Variants in PCDH9 observed in about 807,000 individuals in gnomAD.
The protein encoded by PCDH9 is protocadherin-9.
Under a neutral mutation model 70.6 loss-of-function variants are expected in PCDH9, and 24 were observed. The observed-to-expected ratio is 0.34, with a 90% confidence interval of 0.25 to 0.48. PCDH9 has a LOEUF of 0.48. Among genes scored for constraint, PCDH9 ranks in the 20% least tolerant of loss-of-function variants. PCDH9 has a pLI of 0.99. For synonymous variants in PCDH9, 562 were observed against 558.5 expected, an observed-to-expected ratio of 1.01 and a Z score of -0.09; for missense variants, 1,281 against 1,503.6, an observed-to-expected ratio of 0.85 and a Z score of 2.45.
chr13:66,529,909 A>G (rs948081193), intron 4 of PCDH9, among the ~76,000 whole-genome samples: 3 of 151,004 alleles, frequency 2.0e-5, no homozygotes, highest in Non-Finnish European at 4.4e-5. Flanking sequence ...TCTGTTGCAG[A>G]AAAAAAAATA....
intron 3 of PCDH9, among the ~76,000 whole-genome samples, chr13:66,705,477 A>C (rs1221361839): frequency 1.3e-5 from 2 of 152,226 alleles, no homozygotes; most frequent in Non-Finnish European, 2.9e-5. Context: ...CAAATCGTCC[A>C]ATCCCCCATC....
intron 2 of PCDH9, among the ~76,000 whole-genome samples, chr13:67,047,088 G>A (rs2085236331): frequency 6.6e-6 from 1 of 152,102 alleles, no homozygotes; most frequent in Admixed American, 6.6e-5. Context: ...GTGCTAATGG[G>A]GAAAGAGGGA....
intron 4 of PCDH9, among the ~76,000 whole-genome samples, chr13:66,572,763 T>C (rs2076750642): frequency 6.6e-6 from 1 of 152,082 alleles, no homozygotes; most frequent in Non-Finnish European, 1.5e-5. Flanking sequence ...ATTTCTTTTT[T>C]CTTTCTTTTT....
intron 2 of PCDH9, among the ~76,000 whole-genome samples, chr13:67,083,570 T>C (rs188145961): frequency 9.4e-4 from 143 of 152,308 alleles, no homozygotes; most frequent in African/African-American, 3.3e-3. Context: ...AGTATTTCCT[T>C]TTATTTTTAA....
At chr13:66,636,388 T>G (rs536388424) in intron 3 of PCDH9, among the ~76,000 whole-genome samples, 1 of 152,230 alleles carries the variant, frequency 6.6e-6, no homozygotes, top group Non-Finnish European at 1.5e-5. Flanking sequence ...TAACTTCCAT[T>G]CTTCACTTTC....
At chr13:66,845,094 A>C (rs113199076) in intron 3 of PCDH9, among the ~76,000 whole-genome samples, 2,600 of 152,234 alleles carry the variant, frequency 0.017, 75 homozygotes, top group African/African-American at 0.06. Context: ...TCCAGTCTGC[A>C]GCCAGGCCCC....
chr13:66,591,544 G>A (rs1489102998), intron 4 of PCDH9, among the ~76,000 whole-genome samples: 1 of 150,492 alleles, frequency 6.6e-6, no homozygotes, highest in Non-Finnish European at 1.5e-5. Context: ...CTGCAATACA[G>A]AAAGCAGCCA....
At position 66,802,300 on chromosome 13, in the gene PCDH9, T is replaced by C. The variant is rs558493621; in HGVS notation, c.3138+101204A>G. 6.6e-5 allele frequency among the ~76,000 whole-genome samples: 10 copies of C among 152,166 alleles called. No individual in the cohort carries two copies. In the East Asian group the frequency reaches 9.6e-4, roughly 15 times the overall value. ...TTCCTTTTAAACTGCCTCTGCAATA[T>C]AATATGTTGTGAACAGTCAGGCACA... On this transcript the variant is annotated intron_variant, in intron 3 of 4. Coordinates refer to ENST00000377865, the MANE Select transcript of PCDH9 (RefSeq NM_203487.3).
chr13:67,084,392 G>T (rs2086050699), intron 2 of PCDH9, among the ~76,000 whole-genome samples: 2 of 152,054 alleles, frequency 1.3e-5, no homozygotes, highest in Admixed American at 6.6e-5. Context: ...GTTAAATAAA[G>T]CTTTTCTTCC....
intron 2 of PCDH9, among the ~76,000 whole-genome samples, chr13:66,962,547 C>T (rs1257071512): frequency 6.6e-6 from 1 of 152,196 alleles, no homozygotes; most frequent in Non-Finnish European, 1.5e-5. Context: ...TAGGCTATTG[C>T]TTCTAGCCTA....
intron 2 of PCDH9, among the ~76,000 whole-genome samples, chr13:66,938,003 A>G (rs1051016477): frequency 2.6e-4 from 39 of 152,208 alleles, no homozygotes; most frequent in African/African-American, 7.2e-4. Context: ...GAATAAATAC[A>G]TCATAATCAT....
intron 2 of PCDH9, among the ~76,000 whole-genome samples, chr13:67,110,574 G>C (rs1454998467): frequency 6.6e-6 from 1 of 150,426 alleles, no homozygotes; most frequent in African/African-American, 2.4e-5. Flanking sequence ...TAAGGGATCT[G>C]TGTGACTTTT....
At chr13:66,781,184 T>G (rs1196517673) in intron 3 of PCDH9, among the ~76,000 whole-genome samples, 1 of 152,208 alleles carries the variant, frequency 6.6e-6, no homozygotes, top group Non-Finnish European at 1.5e-5. Flanking sequence ...AAATATTATA[T>G]AATTTTATTT....
chr13:67,095,343 CAT>C (rs2086298855), intron 2 of PCDH9, among the ~76,000 whole-genome samples: 1 of 151,988 alleles, frequency 6.6e-6, no homozygotes, highest in African/African-American at 2.4e-5. Flanking sequence ...CATTTAAAGT[CAT>C]AGAATATCTA....
chr13:66,993,652 A>C (rs2084048674), intron 2 of PCDH9, among the ~76,000 whole-genome samples: 1 of 152,242 alleles, frequency 6.6e-6, no homozygotes, highest in Non-Finnish European at 1.5e-5. Context: ...TACAAAAGCT[A>C]ACAAGGGTGG....
intron 4 of PCDH9, among the ~76,000 whole-genome samples, chr13:66,335,770 A>T (rs183843): frequency 0.99 from 151,088 of 152,232 alleles, 74,991 homozygotes; most frequent in Middle Eastern, 1. Flanking sequence ...GTTTTTATTT[A>T]ATGATTTTTA....
At chr13:66,971,221 C>T (rs189636445) in intron 2 of PCDH9, among the ~76,000 whole-genome samples, 279 of 152,104 alleles carry the variant, frequency 1.8e-3, no homozygotes, top group African/African-American at 6.2e-3. Flanking sequence ...TCATAGATTA[C>T]AATAATGTAT....
chr13:66,980,591 A>G (rs545850764), intron 2 of PCDH9, among the ~76,000 whole-genome samples: 15 of 151,874 alleles, frequency 9.9e-5, no homozygotes, highest in East Asian at 7.7e-4. Context: ...ACCCTTTCTC[A>G]TATGTTTTTA....
intron 3 of PCDH9, among the ~76,000 whole-genome samples, chr13:66,715,955 G>A (rs1353342622): frequency 9.2e-5 from 14 of 152,200 alleles, no homozygotes; most frequent in Non-Finnish European, 1.5e-5. Flanking sequence ...GCAAAATACA[G>A]GTAGTAGAGA....
Sources: gnomAD v4.1 joint callset for allele counts (sites outside exome capture counted in the v4.1 genomes callset) on GRCh38, gnomAD v4.1.1 for gene constraint, MANE v1.5 for transcripts, NCBI Gene and HGNC (gene_info 2026-07-23, HGNC 2026-07-21) for gene names.